Variants in ABLIM2 observed in about 807,000 individuals in gnomAD.
ABLIM2 encodes the protein actin-binding LIM protein 2.
In ABLIM2, 53 loss-of-function variants were observed where a neutral mutation model predicts 97.7. The ratio of observed to expected loss-of-function variants is 0.54; its 90% CI spans 0.44 to 0.68. The LOEUF (loss-of-function observed/expected upper bound fraction) is 0.68, where lower values mean the gene tolerates loss of function less well. Ranked by LOEUF, ABLIM2 falls within the 30% of genes least tolerant of loss-of-function variation. The probability of loss-of-function intolerance (pLI) is 0.00; values close to 1 mark genes in which losing one functional copy is unlikely to be tolerated. For synonymous variants in ABLIM2, 361 were observed against 345.8 expected (o/e 1.04, Z -0.49); for missense variants, 835 against 867.2 (o/e 0.96, Z 0.47).
At chr4:8,145,565 G>A (rs1851657955) in intron 1 of ABLIM2, among the ~76,000 whole-genome samples, 1 of 152,084 alleles carries the variant, frequency 6.6e-6, no homozygotes, top group Non-Finnish European at 1.5e-5. Flanking sequence ...GAGGTTGCCA[G>A]CACACCCAGG....
At chr4:8,102,742 G>A (rs1156631377) in intron 2 of ABLIM2, among the ~76,000 whole-genome samples, 1 of 152,240 alleles carries the variant, frequency 6.6e-6, no homozygotes, top group Non-Finnish European at 1.5e-5. Flanking sequence ...ACCCAACACA[G>A]TAGGAGCTCT....
rs764740616 is a variant in ABLIM2 at position 7,992,851 on chromosome 4, G to A, written c.1680+15C>T. ...ATCGTTAGTACCCTGTGGCCAGGGA[G>A]GGGTCAGTACCTACCCGCTGGTCCA... is the stretch of plus-strand genomic sequence containing the variant. On this transcript the variant is annotated intron_variant, in intron 17 of 20. Transcript: ENST00000447017. This position sits in a 1 kb window ranked among gnomAD's most constrained non-coding sequence, Gnocchi z 5.7. 10 of 1,611,060 alleles carry A rather than the reference G, an allele frequency of 6.2e-6. No individual in the cohort carries two copies. In the South Asian group the frequency reaches 1.0e-4, roughly 16 times the overall value.
At position 8,097,101 on chromosome 4, in the gene ABLIM2, G is replaced by A. The variant is rs759390796; in HGVS notation, c.336C>T (p.Cys112=). ...AGGCCAGGTGCCCACTTACTCACCG[G>A]CAGACGGCACACACGAAGCAGTCGG... The part of the protein sequence containing the change: ...YHPDCFVCAV[C]RLPFPPGDRV... Residue 112 remains cysteine, a splice_region_variant and synonymous_variant, in exon 3 of 21, where the codon TGC becomes TGT. Transcript: ENST00000447017. 5 of 1,603,116 alleles carry A rather than the reference G, an allele frequency of 3.1e-6. No individual in the cohort carries two copies. The highest frequency in any genetic ancestry group is 1.7e-5 in the Admixed American group (1 of 58,910).
intron 10 of ABLIM2, 99 bp from the exon 11 acceptor site, chr4:8,029,875 C>T: frequency 4.8e-6 from 7 of 1,455,648 alleles, no homozygotes; most frequent in Non-Finnish European, 6.4e-6. Flanking sequence ...GCCCTCCTGA[C>T]CCAAGTGGAT....
Position 8,150,479 on chromosome 4 carries a change from G to A in ABLIM2, c.10+8201C>T, listed in dbSNP as rs989779387. ...CGAGGACAGAGGCAGCATGCTAGCC[G>A]CAGTGACACTGAGCACTTTTCTTGG... On this transcript the variant is annotated intron_variant, in intron 1 of 20. Coordinates refer to ENST00000447017, the MANE Select transcript of ABLIM2 (RefSeq NM_001130083.2). This position sits in a 1 kb window ranked among gnomAD's most constrained non-coding sequence, Gnocchi z 6.3. Among the ~76,000 whole-genome samples, 12 of 152,220 alleles carry A rather than the reference G, an allele frequency of 7.9e-5. No homozygotes were observed. Among genetic ancestry groups the A allele is most frequent in the South Asian group, 2.1e-4 (1 of 4,834 alleles).
At chr4:8,081,521 C>T (rs2152451755) in intron 4 of ABLIM2, among the ~76,000 whole-genome samples, 1 of 152,344 alleles carries the variant, frequency 6.6e-6, no homozygotes, top group African/African-American at 2.4e-5. Flanking sequence ...TGGGCATGCT[C>T]CCCTGGCAGA....
In ABLIM2 at chr4:8,140,404, A is replaced by G. The variant is rs746558493; in HGVS notation, c.10+18276T>C. On this transcript the variant is annotated intron_variant, in intron 1 of 20. Transcript: ENST00000447017. This position sits in a 1 kb window ranked among gnomAD's most constrained non-coding sequence, Gnocchi z 5.9. ...GGAATCAGCCATGGCAGGGGATTTC[A>G]TGCCAGGCAGGAACTTCGTGAAACA... Among the ~76,000 whole-genome samples, 4 of 152,146 alleles carry G rather than the reference A, an allele frequency of 2.6e-5. No homozygotes were observed. Among genetic ancestry groups the G allele is most frequent in the Non-Finnish European group, 4.4e-5 (3 of 68,024 alleles).
rs560839772 is a variant in ABLIM2 at position 8,140,862 on chromosome 4, A to C, written c.10+17818T>G. On this transcript the variant is annotated intron_variant, in intron 1 of 20. Transcript: ENST00000447017. This position sits in a 1 kb window ranked among gnomAD's most constrained non-coding sequence, Gnocchi z 5.9. ...AGGTGGCTGCCAAGAAGAGCTATGA[A>C]GAATTAGAAGCTGGACCAATGCAGA... is the stretch of plus-strand genomic sequence containing the variant. 7.6e-4 allele frequency among the ~76,000 whole-genome samples: 116 copies of C among 152,266 alleles called. No individual in the cohort carries two copies. The highest frequency in any genetic ancestry group is 2.1e-3 in the Admixed American group (32 of 15,304).
intron 3 of ABLIM2, 141 bp downstream of exon 3, chr4:8,096,958 T>C: frequency 9.1e-7 from 1 of 1,093,716 alleles, no homozygotes; most frequent in Non-Finnish European, 1.3e-6. Flanking sequence ...GGGTGCAGAC[T>C]GTGGGGCCTG....
At chr4:8,059,805 C>T (rs1373190548) in intron 7 of ABLIM2, among the ~76,000 whole-genome samples, 1 of 151,412 alleles carries the variant, frequency 6.6e-6, no homozygotes, top group East Asian at 1.9e-4. Flanking sequence ...ACTTGGAAGG[C>T]TGAGGCAGGA....
In ABLIM2 at chr4:8,113,893, G is replaced by A. The variant is rs905228689; in HGVS notation, c.11-7256C>T. 2.0e-5 allele frequency among the ~76,000 whole-genome samples: 3 copies of A among 152,216 alleles called. No homozygotes were observed. The highest frequency in any genetic ancestry group is 2.9e-5 in the Non-Finnish European group (2 of 68,046). On this transcript the variant is annotated intron_variant, in intron 1 of 20. Transcript: ENST00000447017. This position sits in a 1 kb window ranked among gnomAD's most constrained non-coding sequence, Gnocchi z 4.5. ...TTCCTTCTGACCATGGCAACGAGCAGAGCAATACAGAGAGGGGCACAGGGC... is the reference window on the plus strand; with the variant it reads ...TTCCTTCTGACCATGGCAACGAGCAAAGCAATACAGAGAGGGGCACAGGGC...
chr4:8,042,640 G>A (rs1475460529), intron 9 of ABLIM2, among the ~76,000 whole-genome samples: 6 of 152,116 alleles, frequency 3.9e-5, no homozygotes, highest in Non-Finnish European at 8.8e-5. Flanking sequence ...GGGAGTTTGA[G>A]ACCAGCCTGA....
chr4:8,020,068 TG>T, intron 13 of ABLIM2, 133 bp downstream of exon 13: 2 of 741,540 alleles, frequency 2.7e-6, no homozygotes, highest in Non-Finnish European at 4.4e-6. Flanking sequence ...TCTCAGTGCC[TG>T]GGGAGCAGTG....
In ABLIM2 at chr4:8,102,181, A is replaced by G. The variant is rs113077734; in HGVS notation, c.154+4313T>C. On this transcript the variant is annotated intron_variant, in intron 2 of 20. Coordinates refer to ENST00000447017, the MANE Select transcript of ABLIM2 (RefSeq NM_001130083.2). ...CTAATCCCCTTGGTCATTCTGCTTCAGCCACATGGGCCTCCTGCTGTTTCC... is the reference window on the plus strand; with the variant it reads ...CTAATCCCCTTGGTCATTCTGCTTCGGCCACATGGGCCTCCTGCTGTTTCC... Among the ~76,000 whole-genome samples, 205 of 152,328 alleles carry G rather than the reference A, an allele frequency of 1.3e-3. 1 individual carries two copies. Among genetic ancestry groups the G allele is most frequent in the African/African-American group, 4.6e-3 (193 of 41,570 alleles).
Position 8,088,268 on chromosome 4 carries a change from C to T in ABLIM2, c.355G>A (p.Gly119Arg), listed in dbSNP as rs753846009. The part of the protein sequence containing the change: ...CAVCRLPFPP[G>R]DRVTFNGKEC... The stretch of plus-strand genomic sequence containing the variant: ...TTCCCGTTGAAGGTCACTCGGTCCC[C>T]GGGGGGGAAGGGCAGCCTGAAACAA... The change falls in exon 4 of 21, where the codon GGG becomes AGG. Residue 119 changes from glycine (G) to arginine (R), a missense_variant. Physicochemically the swap from Gly to Arg is moderately radical, Grantham distance 125 (BLOSUM62 -2). Transcript: ENST00000447017. 3.9e-5 allele frequency: 62 copies of T among 1,607,374 alleles called. No homozygotes were observed. The highest frequency in any genetic ancestry group is 6.6e-5 in the South Asian group (6 of 90,802).
chr4:7,983,428 T>C lies in ABLIM2; in HGVS notation c.1744-84A>G, dbSNP rs1320571206. On this transcript the variant is annotated intron_variant, in intron 19 of 20. Coordinates refer to ENST00000447017, the MANE Select transcript of ABLIM2 (RefSeq NM_001130083.2). ...GAACTGAGCAGAAGGTCACCGAGAA[T>C]ACATACTTGCGTCTGCACCTGACAC... 2.5e-6 allele frequency: 4 copies of C among 1,578,040 alleles called. No individual in the cohort carries two copies. The African/African-American group carries it at 4.0e-5, about 16-fold the overall frequency.
chr4:8,106,532 T>G lies in ABLIM2; in HGVS notation c.116A>C (p.Gln39Pro). 1 of 1,602,696 alleles carries G rather than the reference T, an allele frequency of 6.2e-7. No individual in the cohort carries two copies. The highest frequency in any genetic ancestry group is 8.5e-7 in the Non-Finnish European group (1 of 1,174,946). ...GCACTTGATGTGGAAGTACTTGTCC[T>G]GCACCCGCAGCACCTCGCCCTTGCA... The part of the protein sequence containing the change: ...NVCKGEVLRV[Q>P]DKYFHIKCFV... Residue 39 changes from glutamine to proline, a missense_variant, in exon 2 of 21, where the codon CAG (glutamine) becomes CCG (proline). Coordinates refer to ENST00000447017, the MANE Select transcript of ABLIM2 (RefSeq NM_001130083.2).
In ABLIM2 at chr4:7,967,020, A is replaced by G. The variant is rs757686784; in HGVS notation, c.1908T>C (p.Asn636=). ...EFDRLALWKR[N]DLKKKALLF The stretch of plus-strand genomic sequence containing the variant: ...ACAAAAGGGCTTTCTTCTTAAGGTC[A>G]TTCCTCTTCCAGAGGGCCAGGCGGT... Residue 636 remains asparagine (N), a synonymous_variant, in exon 21 of 21, where the codon AAT becomes AAC. Coordinates refer to ENST00000447017, the MANE Select transcript of ABLIM2 (RefSeq NM_001130083.2). 1.9e-4 allele frequency: 299 copies of G among 1,613,692 alleles called. No individual in the cohort carries two copies. The highest frequency in any genetic ancestry group is 2.5e-4 in the Non-Finnish European group (295 of 1,179,960).
intron 1 of ABLIM2, among the ~76,000 whole-genome samples, chr4:8,146,963 T>C (rs1851904288): frequency 2.0e-5 from 3 of 152,200 alleles, no homozygotes. Flanking sequence ...AATGCTGCCA[T>C]AGATGGACAG....
Sources: gnomAD v4.1 joint callset for allele counts (sites outside exome capture counted in the v4.1 genomes callset) on GRCh38, gnomAD v4.1.1 for gene constraint, Gnocchi (gnomAD v3.1) non-coding constraint, MANE v1.5 for transcripts, NCBI Gene and HGNC (gene_info 2026-07-23, HGNC 2026-07-21) for gene names.